The following TAB2 variants were observed in gnomAD, a reference collection of about 807,000 sequenced individuals.
TAB2 encodes the protein TGF-beta-activated kinase 1 and MAP3K7-binding protein 2.
A neutral mutation model predicts 65.0 loss-of-function variants in TAB2; 3 were observed. The ratio of observed to expected loss-of-function variants is 0.05; its 90% CI spans 0.02 to 0.12. The LOEUF (loss-of-function observed/expected upper bound fraction) is 0.12, where lower values mean the gene tolerates loss of function less well. Among genes scored for constraint, TAB2 ranks in the 10% least tolerant of loss-of-function variants. The pLI is 1.00. For missense variants in TAB2, 623 were observed against 840.3 expected (o/e 0.74, Z 3.20); for synonymous variants, 298 against 285.1 (o/e 1.05, Z -0.46).
intron 1 of TAB2, among the ~76,000 whole-genome samples, chr6:149,254,518 C>A (rs1777964976): frequency 6.6e-6 from 1 of 152,334 alleles, no homozygotes; most frequent in African/African-American, 2.4e-5. Flanking sequence ...TACTTGTGAT[C>A]TGAAAGAGTG....
Position 149,294,228 on chromosome 6 carries a change from G to A in TAB2, c.-121+75452G>A, listed in dbSNP as rs2114697464. 1.3e-5 allele frequency among the ~76,000 whole-genome samples: 2 copies of A among 152,314 alleles called. 1 individual carries two copies. The highest frequency in any genetic ancestry group is 4.1e-4 in the South Asian group (2 of 4,826). On this transcript the variant is annotated intron_variant, in intron 1 of 1. Transcript: ENST00000606202. Reference sequence around the variant, plus strand: ...AAGTCTGAGATCAAGGTCTTGGTAGGATTGGTTCCTACTGAAGGCTTTGAG... The same window carrying A: ...AAGTCTGAGATCAAGGTCTTGGTAGAATTGGTTCCTACTGAAGGCTTTGAG...
At chr6:149,396,490 T>C (rs191838462) in intron 3 of TAB2, among the ~76,000 whole-genome samples, 1 of 152,234 alleles carries the variant, frequency 6.6e-6, no homozygotes, top group East Asian at 1.9e-4. Flanking sequence ...CAGTGACTTT[T>C]ATTTCTAGAG....
chr6:149,332,244 T>C (rs1417206845), intron 1 of TAB2, among the ~76,000 whole-genome samples: 2 of 152,130 alleles, frequency 1.3e-5, no homozygotes, highest in African/African-American at 2.4e-5. Context: ...TTCGGTATAA[T>C]GGAATTCAAG....
chr6:149,340,109 GA>G (rs1392658995), intron 1 of TAB2, among the ~76,000 whole-genome samples: 1 of 152,094 alleles, frequency 6.6e-6, no homozygotes, highest in Non-Finnish European at 1.5e-5. Flanking sequence ...TCAAATCTAT[GA>G]TTCGGAATCT....
At chr6:149,359,391 C>T (rs1780772284) in intron 1 of TAB2, among the ~76,000 whole-genome samples, 1 of 152,094 alleles carries the variant, frequency 6.6e-6, no homozygotes. Flanking sequence ...GATTCCACAC[C>T]TGTGCATGGT....
intron 1 of TAB2, among the ~76,000 whole-genome samples, chr6:149,323,727 G>A (rs571649839): frequency 6.6e-6 from 1 of 152,252 alleles, no homozygotes; most frequent in Admixed American, 6.5e-5. Context: ...CAGGTTATGA[G>A]GCTTTCAGTC....
At chr6:149,290,714 G>A (rs1778760465) in intron 1 of TAB2, among the ~76,000 whole-genome samples, 1 of 152,170 alleles carries the variant, frequency 6.6e-6, no homozygotes, top group South Asian at 2.1e-4. Context: ...GTGGGGTAGG[G>A]CACACCTGTG....
At chr6:149,394,821 C>T (rs1782113304) in intron 3 of TAB2, among the ~76,000 whole-genome samples, 1 of 152,204 alleles carries the variant, frequency 6.6e-6, no homozygotes, top group Non-Finnish European at 1.5e-5. Context: ...TTAATATGGT[C>T]AGCAAGGCTC....
At chr6:149,243,586 C>A (rs1342289602) in intron 1 of TAB2, 1 of 152,202 alleles carries the variant, frequency 6.6e-6, no homozygotes, top group Non-Finnish European at 1.5e-5. Flanking sequence ...ATATTTCCAA[C>A]AGGATGAGGA....
intron 1 of TAB2, among the ~76,000 whole-genome samples, chr6:149,239,431 G>T (rs1399351754): frequency 6.6e-6 from 1 of 152,196 alleles, no homozygotes; most frequent in Non-Finnish European, 1.5e-5. Flanking sequence ...TCAAAACGAG[G>T]TCATGGACAA....
intron 3 of TAB2, among the ~76,000 whole-genome samples, chr6:149,397,049 A>G (rs1782196169): frequency 6.6e-6 from 1 of 152,264 alleles, no homozygotes; most frequent in Non-Finnish European, 1.5e-5. Context: ...TGTAGCCTAA[A>G]AATGCTGTCT....
At position 149,273,982 on chromosome 6, in the gene TAB2, C is replaced by T. The variant is rs534854540; in HGVS notation, c.-121+55206C>T. Among the ~76,000 whole-genome samples the T allele has an allele frequency of 1.1e-3, 169 of 152,320 alleles. 1 individual carries two copies. The highest frequency in any genetic ancestry group is 3.9e-3 in the African/African-American group (164 of 41,568). On this transcript the variant is annotated intron_variant, in intron 1 of 1. Transcript: ENST00000606202. ...TACTTAGTATAGCAAGAAGACTGGA[C>T]AGATGGTAATGGAAAGCAGTGATTA...
chr6:149,316,857 A>G (rs1023031292), upstream of TAB2, among the ~76,000 whole-genome samples: 3 of 152,048 alleles, frequency 2.0e-5, no homozygotes, highest in African/African-American at 7.2e-5. Context: ...CAAGTCTCGA[A>G]GTTGCCAGTT....
At position 149,336,064 on chromosome 6, in the gene TAB2, G is replaced by T. The variant is rs932512498; in HGVS notation, c.-90+18049G>T. Among the ~76,000 whole-genome samples, 58 of 152,132 alleles carry T rather than the reference G, an allele frequency of 3.8e-4. 2 individuals are homozygous for T. The highest frequency in any genetic ancestry group is 4.4e-5 in the Non-Finnish European group (3 of 68,026). On this transcript the variant is annotated intron_variant, in intron 1 of 6. Transcript: ENST00000637181. ...ACATTTTGTTTCAGAGCTTCAGAAT[G>T]AGTCAGGAACCCCGGGTTCTAGTCC...
Position 149,411,385 on chromosome 6 carries a change from A to G in TAB2, c.*1666A>G, listed in dbSNP as rs1408705071. On this transcript the variant is annotated 3_prime_UTR_variant, in exon 7 of 7. Transcript: ENST00000637181. ...TATGACAATCCTAGGTAATTAAACC[A>G]TAGACCCAAAGCCCTTACGTTTGAT... 1 of 152,616 alleles carries G rather than the reference A, an allele frequency of 6.6e-6. No individual in the cohort carries two copies. Among genetic ancestry groups the G allele is most frequent in the Non-Finnish European group, 1.5e-5 (1 of 68,036 alleles). The allele number at this position is 152,616 out of a possible 1,614,324, so 9.5% of individuals were successfully genotyped here.
rs6930361 is a variant in TAB2 at position 149,252,179 on chromosome 6, G to A, written c.-121+33403G>A. The stretch of plus-strand genomic sequence containing the variant: ...CCCAGCACTTTGGGAGGCCGAGGCG[G>A]GTGGATCACCTAAGGTCAGGAGTTT... On this transcript the variant is annotated intron_variant, in intron 1 of 1. Coordinates refer to the TAB2 transcript ENST00000606202. Among the ~76,000 whole-genome samples the A allele has an allele frequency of 2.1e-3, 317 of 152,152 alleles. 1 individual carries two copies. The highest frequency in any genetic ancestry group is 0.014 in the Middle Eastern group (4 of 294).
At chr6:149,354,686 T>C (rs1408844932) in intron 1 of TAB2, among the ~76,000 whole-genome samples, 1 of 152,204 alleles carries the variant, frequency 6.6e-6, no homozygotes, top group African/African-American at 2.4e-5. Context: ...GCGTGTGTGT[T>C]CTTGTATGTA....
At position 149,321,596 on chromosome 6, in the gene TAB2, A is replaced by G. The variant is rs1779457455; in HGVS notation, c.-90+3581A>G. On this transcript the variant is annotated intron_variant, in intron 1 of 6. Transcript: ENST00000637181. ...TCCTAGGAAAAGAAAAAGATGCCAG[A>G]ATAATGATCCCACAGCTCCTACGTT... Among the ~76,000 whole-genome samples the G allele has an allele frequency of 2.0e-5, 3 of 152,334 alleles. No individual in the cohort carries two copies. The South Asian group carries it at 6.2e-4, about 32-fold the overall frequency.
chr6:149,302,458 A>T (rs1167985107), intron 1 of TAB2, among the ~76,000 whole-genome samples: 3 of 152,210 alleles, frequency 2.0e-5, no homozygotes, highest in African/African-American at 7.2e-5. Context: ...TTGGTAGTGC[A>T]CTTCCAACTA....
Sources: allele counts gnomAD v4.1 joint callset (sites outside exome capture counted in the v4.1 genomes callset), GRCh38; gene constraint gnomAD v4.1.1; transcripts MANE v1.5; gene names NCBI Gene and HGNC (gene_info 2026-07-23, HGNC 2026-07-21).